EXOC3: variants seen among roughly 807,000 people sequenced by gnomAD.
EXOC3 encodes exocyst complex component 3, also known as SEC6-like 1.
A neutral mutation model predicts 73.7 loss-of-function variants in EXOC3; 21 were observed. The observed-to-expected ratio is 0.29, with a 90% CI of 0.20 to 0.41. EXOC3 has a LOEUF of 0.41. Ranked by LOEUF, EXOC3 falls within the 10% of genes least tolerant of loss-of-function variation. The pLI is 1.00. For missense variants in EXOC3, 842 were observed against 985.1 expected, an observed-to-expected ratio of 0.85 and a Z score of 1.95; for synonymous variants, 410 against 389.1, an observed-to-expected ratio of 1.05 and a Z score of -0.63.
chr5:464,699 C>T (rs3815928), intron 10 of EXOC3: 1 of 408,386 alleles, frequency 2.4e-6, no homozygotes, highest in Non-Finnish European at 4.5e-6. Flanking sequence ...CTCCCTGAGG[C>T]CCCAGGGATT....
rs751460700 is a variant in EXOC3, at chr5:461,950, CTG to C, written c.1392-8_1392-7del. The C allele has an allele frequency of 1.9e-6, 3 of 1,570,712 alleles. No individual in the cohort carries two copies. In the African/African-American group the frequency reaches 4.1e-5, roughly 21 times the overall value. On this transcript the variant is annotated splice_region_variant and splice_polypyrimidine_tract_variant and intron_variant, in intron 7 of 12. Coordinates refer to ENST00000512944, the MANE Select transcript of EXOC3 (RefSeq NM_007277.5). ...TTAGTGCTGTCTGACCGAAGCCTGT[CTG>C]TCCTCAGATATAAAGATGAAGCGCA...
At chr5:463,179 G>A (rs562735087) in intron 9 of EXOC3, among the ~76,000 whole-genome samples, 1 of 152,344 alleles carries the variant, frequency 6.6e-6, no homozygotes, top group Admixed American at 6.5e-5. Context: ...CCTGGGATGA[G>A]GGGTGGGATT....
At chr5:459,648 G>A in intron 7 of EXOC3, 189 bp downstream of exon 7, 1 of 488,328 alleles carries the variant, frequency 2.0e-6, no homozygotes, top group Non-Finnish European at 3.7e-6. Context: ...CCCCTTGAGT[G>A]GACCACACAC....
intron 10 of EXOC3, 154 bp downstream of exon 10, chr5:464,566 C>T (rs1738081173): frequency 1.4e-6 from 1 of 740,564 alleles, no homozygotes; most frequent in Admixed American, 2.3e-5. Flanking sequence ...GCGGACGCCA[C>T]CTCCCTGGGA....
rs1171824149 is a variant in EXOC3 at position 449,255 on chromosome 5, T to C, written c.364+1503T>C. Among the ~76,000 whole-genome samples the C allele has an allele frequency of 2.6e-5, 4 of 152,400 alleles. No homozygotes were observed. In the East Asian group the frequency reaches 7.7e-4, roughly 29 times the overall value. Reference sequence around the variant, plus strand: ...CTCATTGCCTATAACTCAGCAATGCTGTGTACACAGCTCCCCTCCCCCATT... The same window carrying C: ...CTCATTGCCTATAACTCAGCAATGCCGTGTACACAGCTCCCCTCCCCCATT... On this transcript the variant is annotated intron_variant, in intron 3 of 12. Transcript: ENST00000512944.
Position 446,189 on chromosome 5 carries a change from CCACCAGCTTTTT to C in EXOC3, c.-11_1del, listed in dbSNP as rs1737499650. On this transcript the variant is annotated 5_prime_UTR_variant, in exon 2 of 13. Transcript: ENST00000512944. ...CCCTAGCATGAACAGTGTGAGGATTCCACCAGCTTTTTCACCATGAAGGAGACAGACCGGGAG... is the reference window on the plus strand; with the variant it reads ...CCCTAGCATGAACAGTGTGAGGATTCCACCATGAAGGAGACAGACCGGGAG... 1 of 1,613,872 alleles carries C rather than the reference CCACCAGCTTTTT, an allele frequency of 6.2e-7. No individual in the cohort carries two copies.
At chr5:445,095 A>T in intron 1 of EXOC3, 1 of 152,236 alleles carries the variant, frequency 6.6e-6, no homozygotes, top group South Asian at 2.1e-4. Flanking sequence ...TGAAGATGAA[A>T]ATCAGACAGC....
chr5:466,554 T>G (rs1738157303), intron 12 of EXOC3, 173 bp from the exon 13 acceptor site: 1 of 584,994 alleles, frequency 1.7e-6, no homozygotes, highest in South Asian at 2.4e-5. Context: ...AAAGACAGAG[T>G]AAGATGAAAA....
intron 1 of EXOC3, among the ~76,000 whole-genome samples, chr5:444,542 G>C (rs1737446476): frequency 6.6e-6 from 1 of 152,218 alleles, no homozygotes; most frequent in Non-Finnish European, 1.5e-5. Context: ...AATGTCAATG[G>C]AAATGCTGAT....
chr5:466,375 C>T, intron 12 of EXOC3: 2 of 277,706 alleles, frequency 7.2e-6, no homozygotes, highest in Non-Finnish European at 1.4e-5. Flanking sequence ...CTGCCACTTC[C>T]CCAAGGGGCC....
intron 7 of EXOC3, among the ~76,000 whole-genome samples, chr5:460,916 C>T (rs1298261356): frequency 6.6e-6 from 1 of 152,220 alleles, no homozygotes; most frequent in African/African-American, 2.4e-5. Flanking sequence ...TCAGTGTGCT[C>T]CTTTCTTAAC....
intron 6 of EXOC3, among the ~76,000 whole-genome samples, chr5:458,626 C>T (rs1202879310): frequency 6.6e-6 from 1 of 152,228 alleles, no homozygotes; most frequent in East Asian, 1.9e-4. Flanking sequence ...GTGTTAGAAC[C>T]GGTGTGTTCT....
At position 466,991 on chromosome 5, in the gene EXOC3, C is replaced by A; in HGVS notation, c.*93C>A. 1 of 1,261,750 alleles carries A rather than the reference C, an allele frequency of 7.9e-7. No individual in the cohort carries two copies. 78.2% of individuals were successfully genotyped at this position (1,261,750 alleles called of 1,614,324 possible). A position where few individuals can be genotyped will look rare whatever the true frequency, so the allele number is the denominator to read the frequency against. ...TGATTGCTCTCCTTGGCCACACGTGCTCCTTTTAGCTGCACGGCCTGTCTT... is the reference window on the plus strand; with the variant it reads ...TGATTGCTCTCCTTGGCCACACGTGATCCTTTTAGCTGCACGGCCTGTCTT... On this transcript the variant is annotated 3_prime_UTR_variant, in exon 13 of 13. Transcript: ENST00000512944.
intron 1 of EXOC3, 75 bp downstream of exon 1, chr5:443,365 GTC>G (rs1405833699): frequency 7.2e-5 from 11 of 153,140 alleles, no homozygotes; most frequent in Admixed American, 5.2e-4. Context: ...TGCTCTCCCT[GTC>G]TCTGGCTTCC....
chr5:457,781 C>T (rs1489202576), intron 5 of EXOC3, 119 bp from the exon 6 acceptor site: 19 of 1,116,742 alleles, frequency 1.7e-5, no homozygotes, highest in South Asian at 3.2e-5. Context: ...AGAAAGAGGA[C>T]GCTGGTGCCC....
Position 453,670 on chromosome 5 carries a change from T to C in EXOC3, c.665T>C (p.Ile222Thr), listed in dbSNP as rs2126577959. Residue 222 changes from isoleucine (I) to threonine (T), a missense_variant, in exon 4 of 13, where the codon ATT becomes ACT. Ile to Thr is a moderately conservative substitution (Grantham distance 89, BLOSUM62 -1). Transcript: ENST00000512944. ...AGGATCATTGAAAGGGAAGAGAAAA[T>C]TGACAGGCGCATACTTGACCGGAAA... Reference protein sequence around the residue: ...VVRIIEREEKIDRRILDRKKQ... With the variant: ...VVRIIEREEKTDRRILDRKKQ... The C allele has an allele frequency of 6.2e-7, 1 of 1,613,852 alleles. No individual in the cohort carries two copies. Among genetic ancestry groups the C allele is most frequent in the Non-Finnish European group, 8.5e-7 (1 of 1,179,880 alleles).
At chr5:449,533 G>A (rs1374440107) in intron 3 of EXOC3, among the ~76,000 whole-genome samples, 1 of 152,188 alleles carries the variant, frequency 6.6e-6, no homozygotes, top group Non-Finnish European at 1.5e-5. Flanking sequence ...CCTCATAGAA[G>A]TGGCATCACA....
chr5:455,048 G>GCTCTGTGCAACTGTGGCT lies in EXOC3; in HGVS notation c.1046+1007_1046+1024dup, dbSNP rs1241688580. Among the ~76,000 whole-genome samples, 12 of 42,582 alleles carry GCTCTGTGCAACTGTGGCT rather than the reference G, an allele frequency of 2.8e-4. No homozygotes were observed. In the East Asian group the frequency reaches 6.8e-3, roughly 24 times the overall value. 27.9% of individuals were successfully genotyped at this position (42,582 alleles called of 152,430 possible). ...TGGTGGCTCTCTGTGCAACCGTGGCGCTCTGTGCAACTGTGGCTCTCTGTG... is the reference window on the plus strand; with the variant it reads ...TGGTGGCTCTCTGTGCAACCGTGGCGCTCTGTGCAACTGTGGCTCTCTGTGCAACTGTGGCTCTCTGTG... On this transcript the variant is annotated intron_variant, in intron 4 of 12. Transcript: ENST00000512944.
At position 466,868 on chromosome 5, in the gene EXOC3, C is replaced by T; in HGVS notation, c.2208C>T (p.Pro736=). Residue 736 remains proline, a synonymous_variant, in exon 13 of 13, where the codon CCC becomes CCT. Coordinates refer to ENST00000512944, the MANE Select transcript of EXOC3 (RefSeq NM_007277.5). Reference sequence around the variant, plus strand: ...CCCTCTTCAAGGACATTGTGGTGCCCAGCCTGAACGTGGCCAAGCTGCTCA... The same window carrying T: ...CCCTCTTCAAGGACATTGTGGTGCCTAGCCTGAACGTGGCCAAGCTGCTCA... ...YVPLFKDIVV[P]SLNVAKLLK 1 of 1,611,138 alleles carries T rather than the reference C, an allele frequency of 6.2e-7. No homozygotes were observed. The highest frequency in any genetic ancestry group is 8.5e-7 in the Non-Finnish European group (1 of 1,178,880).
Sources: gnomAD v4.1 joint callset for allele counts (sites outside exome capture counted in the v4.1 genomes callset) on GRCh38, gnomAD v4.1.1 for gene constraint, MANE v1.5 for transcripts, NCBI Gene and HGNC (gene_info 2026-07-23, HGNC 2026-07-21) for gene names.